MSRA: variants seen among roughly 807,000 people sequenced by gnomAD.
MSRA encodes the protein methionine sulfoxide reductase A, also known as mitochondrial peptide methionine sulfoxide reductase.
Under a neutral mutation model 31.3 loss-of-function variants are expected in MSRA, and 54 were observed. The observed-to-expected ratio is 1.73, with a 90% CI of 1.39 to 2.17. MSRA has a LOEUF of 2.17. Ranked by LOEUF, MSRA falls within the 30% of genes most tolerant of loss-of-function variation. The probability of loss-of-function intolerance (pLI) is 0.00; values close to 1 mark genes in which losing one functional copy is unlikely to be tolerated. For synonymous variants in MSRA, 169 were observed against 116.5 expected (o/e 1.45, Z -2.90); for missense variants, 507 against 300.9 (o/e 1.69, Z -5.07).
chr8:10,321,555 C>T (rs1389188211), intron 5 of MSRA, among the ~76,000 whole-genome samples: 1 of 152,094 alleles, frequency 6.6e-6, no homozygotes, highest in Non-Finnish European at 1.5e-5. Context: ...TGCTCTCTGC[C>T]CATATGTAAT....
At chr8:10,307,522 A>G (rs1254324196) in intron 4 of MSRA, among the ~76,000 whole-genome samples, 1 of 152,224 alleles carries the variant, frequency 6.6e-6, no homozygotes, top group African/African-American at 2.4e-5. Flanking sequence ...TAGTACATTT[A>G]AAAAAGCAAA....
chr8:10,342,405 C>G lies in MSRA; in HGVS notation c.543+22416C>G, dbSNP rs186472611. Among the ~76,000 whole-genome samples, 3 of 152,334 alleles carry G rather than the reference C, an allele frequency of 2.0e-5. No homozygotes were observed. In the East Asian group the frequency reaches 5.8e-4, roughly 29 times the overall value. On this transcript the variant is annotated intron_variant, in intron 5 of 5. Coordinates refer to ENST00000317173, the MANE Select transcript of MSRA (RefSeq NM_012331.5). Reference sequence around the variant, plus strand: ...ACTCCGTGTAGCTTCCAGAAAACTTCACCTGCACCCATGAGAGAATAAGAG... The same window carrying G: ...ACTCCGTGTAGCTTCCAGAAAACTTGACCTGCACCCATGAGAGAATAAGAG...
At chr8:10,067,388 A>G (rs1797509170) in intron 1 of MSRA, among the ~76,000 whole-genome samples, 1 of 152,214 alleles carries the variant, frequency 6.6e-6, no homozygotes, top group Non-Finnish European at 1.5e-5. Context: ...ATTCCATTGT[A>G]TGGATGTACC....
chr8:10,367,675 G>T (rs572466128), intron 5 of MSRA, among the ~76,000 whole-genome samples: 1 of 152,346 alleles, frequency 6.6e-6, no homozygotes, highest in South Asian at 2.1e-4. Context: ...AGTAGCAGAG[G>T]CAGATAGGAA....
At chr8:10,186,035 C>T (rs1244163617) in intron 1 of MSRA, among the ~76,000 whole-genome samples, 1 of 152,164 alleles carries the variant, frequency 6.6e-6, no homozygotes, top group Non-Finnish European at 1.5e-5. Context: ...ACTTTCCACA[C>T]AATACTGCAT....
At chr8:10,279,814 A>G (rs776714749) in intron 3 of MSRA, among the ~76,000 whole-genome samples, 4 of 152,214 alleles carry the variant, frequency 2.6e-5, no homozygotes, top group Non-Finnish European at 5.9e-5. Context: ...GACTTCATAT[A>G]GGCCATGAAT....
intron 2 of MSRA, among the ~76,000 whole-genome samples, chr8:10,211,831 C>T (rs1208415571): frequency 3.3e-5 from 5 of 152,088 alleles, no homozygotes; most frequent in African/African-American, 1.2e-4. Flanking sequence ...ACGTGGAGGG[C>T]CGGGTTCCAG....
rs182832331 is a variant in MSRA, at chr8:10,064,799, G to T, written c.142+10141G>T. On this transcript the variant is annotated intron_variant, in intron 1 of 5. Coordinates refer to ENST00000317173, the MANE Select transcript of MSRA (RefSeq NM_012331.5). ...AATTAAAAAGCATGGTTCAGATGAG[G>T]CCACAAATTATTCTTTGGCCTGCTG... Among the ~76,000 whole-genome samples the T allele has an allele frequency of 1.8e-4, 28 of 152,198 alleles. 1 individual carries two copies. In the East Asian group the frequency reaches 4.1e-3, roughly 22 times the overall value.
At chr8:10,255,617 C>A (rs1343296130) in intron 3 of MSRA, among the ~76,000 whole-genome samples, 5 of 151,972 alleles carry the variant, frequency 3.3e-5, no homozygotes, top group African/African-American at 7.2e-5. Flanking sequence ...TGTCTTTGTG[C>A]ACAAGAAAAA....
chr8:10,082,388 T>C (rs2128923564), intron 1 of MSRA, among the ~76,000 whole-genome samples: 1 of 152,202 alleles, frequency 6.6e-6, no homozygotes, highest in African/African-American at 2.4e-5. Context: ...CAAGGCAGCC[T>C]CATTTCACAG....
At chr8:10,074,312 G>T (rs924775478) in intron 1 of MSRA, among the ~76,000 whole-genome samples, 1 of 151,880 alleles carries the variant, frequency 6.6e-6, no homozygotes, top group African/African-American at 2.4e-5. Context: ...TTGATCTCCT[G>T]ACCTCGTGAT....
At chr8:10,409,354 C>T (rs796275011) in intron 5 of MSRA, among the ~76,000 whole-genome samples, 2 of 152,028 alleles carry the variant, frequency 1.3e-5, no homozygotes, top group South Asian at 2.1e-4. Context: ...GCTTGTGGGC[C>T]GTTTGTTTTT....
intron 1 of MSRA, among the ~76,000 whole-genome samples, chr8:10,076,870 G>C: frequency 6.6e-6 from 1 of 152,108 alleles, no homozygotes; most frequent in South Asian, 2.1e-4. Flanking sequence ...AGGATGGGGG[G>C]CTGGGGAAGA....
chr8:10,261,625 C>T (rs1002529135), intron 3 of MSRA, among the ~76,000 whole-genome samples: 6 of 151,998 alleles, frequency 3.9e-5, no homozygotes, highest in Admixed American at 6.6e-5. Flanking sequence ...CCAATGTTAC[C>T]GCCTGCCACA....
At chr8:10,095,262 G>C (rs1356928264) in intron 1 of MSRA, among the ~76,000 whole-genome samples, 5 of 152,128 alleles carry the variant, frequency 3.3e-5, no homozygotes, top group Admixed American at 3.3e-4. Context: ...ACATTTCTAG[G>C]GAACAGATTC....
intron 3 of MSRA, among the ~76,000 whole-genome samples, chr8:10,246,355 C>G (rs1797623026): frequency 6.6e-6 from 1 of 152,176 alleles, no homozygotes; most frequent in African/African-American, 2.4e-5. Flanking sequence ...GGACTTGTTT[C>G]TGACCTAAAG....
chr8:10,143,622 A>C (rs1211945248), intron 1 of MSRA, among the ~76,000 whole-genome samples: 1 of 152,094 alleles, frequency 6.6e-6, no homozygotes, highest in African/African-American at 2.4e-5. Flanking sequence ...AGAAGCAGCA[A>C]ATGCAAGCTG....
At position 10,301,548 on chromosome 8, in the gene MSRA, G is replaced by T; in HGVS notation, c.346G>T (p.Ala116Ser). The T allele has an allele frequency of 6.2e-7, 1 of 1,613,586 alleles. No individual in the cohort carries two copies. The highest frequency in any genetic ancestry group is 8.5e-7 in the Non-Finnish European group (1 of 1,179,876). The change falls in exon 4 of 6, where the codon GCA becomes TCA. Residue 116 changes from alanine to serine, a missense_variant. Physicochemically the swap from Ala to Ser is moderately conservative, Grantham distance 99. Transcript: ENST00000317173. ...TTTTTTCCAAGAAAAAACTGGCCAT[G>T]CAGAAGTCGTCCGAGTGGTGTACCA... Reference protein sequence around the residue: ...KEVCSEKTGHAEVVRVVYQPE... With the variant: ...KEVCSEKTGHSEVVRVVYQPE...
chr8:10,178,470 C>G (rs1339031083), intron 1 of MSRA, among the ~76,000 whole-genome samples: 1 of 151,914 alleles, frequency 6.6e-6, no homozygotes, highest in Non-Finnish European at 1.5e-5. Context: ...AATAACATTC[C>G]AAGCAGGAAA....
Sources: gnomAD v4.1 joint callset for allele counts (sites outside exome capture counted in the v4.1 genomes callset) on GRCh38, gnomAD v4.1.1 for gene constraint, MANE v1.5 for transcripts, NCBI Gene and HGNC (gene_info 2026-07-23, HGNC 2026-07-21) for gene names.